SEMA3A: variants seen among roughly 807,000 people sequenced by gnomAD.
SEMA3A encodes the protein semaphorin-3A.
A neutral mutation model predicts 97.9 loss-of-function variants in SEMA3A; 29 were observed. The observed-to-expected ratio is 0.30, with a 90% confidence interval of 0.22 to 0.40. The LOEUF is 0.40. Among genes scored for constraint, SEMA3A ranks in the 10% least tolerant of loss-of-function variants. The pLI, the probability that SEMA3A is intolerant of heterozygous loss-of-function variation, is 1.00. For missense variants in SEMA3A, 763 were observed against 951.3 expected (o/e 0.80, Z 2.60); for synonymous variants, 321 against 323.7 (o/e 0.99, Z 0.09).
chr7:84,340,014 C>A (rs1802124536), intron 2 of SEMA3A, among the ~76,000 whole-genome samples: 1 of 151,962 alleles, frequency 6.6e-6, no homozygotes, highest in South Asian at 2.1e-4. Context: ...TAAAAAACAT[C>A]ACTTTAGAAA....
intron 1 of SEMA3A, among the ~76,000 whole-genome samples, chr7:84,171,199 T>C (rs543019619): frequency 6.6e-6 from 1 of 152,262 alleles, no homozygotes; most frequent in African/African-American, 2.4e-5. Context: ...AGCAACATAA[T>C]ATTTTAAACA....
chr7:83,980,406 A>G (rs995854203), intron 14 of SEMA3A, among the ~76,000 whole-genome samples: 1 of 151,606 alleles, frequency 6.6e-6, no homozygotes, highest in Admixed American at 6.6e-5. Context: ...GGAGATCGAG[A>G]CCATCCTGGC....
chr7:84,049,162 G>C (rs979206743), intron 5 of SEMA3A, among the ~76,000 whole-genome samples: 1 of 152,084 alleles, frequency 6.6e-6, no homozygotes, highest in Non-Finnish European at 1.5e-5. Flanking sequence ...TAAGTATGCA[G>C]TTTAGGCACC....
chr7:84,063,806 A>G (rs1410360368), intron 4 of SEMA3A, among the ~76,000 whole-genome samples: 4 of 149,628 alleles, frequency 2.7e-5, no homozygotes, highest in Non-Finnish European at 5.9e-5. Context: ...GTGTACCTGA[A>G]AGTGATGGGG....
rs375624989 is a variant in SEMA3A, at chr7:84,434,909, CA to C, written c.-246+57550del. On this transcript the variant is annotated intron_variant, in intron 1 of 3. Transcript: ENST00000424555. ...ATTAATGCATAGCCAACATCATGAA[CA>C]GGCAAAAACTGGAAACATTCCCCTT... is the stretch of plus-strand genomic sequence containing the variant. Among the ~76,000 whole-genome samples, 180 of 152,162 alleles carry C rather than the reference CA, an allele frequency of 1.2e-3. 2 individuals are homozygous for C. Among genetic ancestry groups the C allele is most frequent in the African/African-American group, 4.2e-3 (175 of 41,524 alleles).
chr7:84,086,529 AT>A (rs1177427243), intron 4 of SEMA3A, among the ~76,000 whole-genome samples: 10 of 75,586 alleles, frequency 1.3e-4, no homozygotes, highest in East Asian at 8.9e-4. Context: ...TATATAATAT[AT>A]TATTATATTA....
chr7:84,052,789 T>C (rs1792743571), intron 5 of SEMA3A, among the ~76,000 whole-genome samples: 1 of 149,932 alleles, frequency 6.7e-6, no homozygotes, highest in African/African-American at 2.4e-5. Context: ...TTTCTAGTTC[T>C]TTTAGTTGTG....
chr7:84,020,552 A>G (rs1791291446), intron 6 of SEMA3A, among the ~76,000 whole-genome samples: 1 of 151,884 alleles, frequency 6.6e-6, no homozygotes, highest in Non-Finnish European at 1.5e-5. Context: ...ATCTTAAGTA[A>G]TTTCTTAAGT....
intron 2 of SEMA3A, among the ~76,000 whole-genome samples, chr7:84,343,990 T>G: frequency 6.6e-6 from 1 of 151,486 alleles, no homozygotes; most frequent in East Asian, 1.9e-4. Flanking sequence ...TCTGGGCAAC[T>G]GAGTGACACT....
At chr7:84,021,189 C>T (rs57531433) in intron 6 of SEMA3A, among the ~76,000 whole-genome samples, 38,796 of 152,090 alleles carry the variant, frequency 0.26, 5,810 homozygotes, top group East Asian at 0.43. Context: ...GAACTGACCA[C>T]AGACTCTCAT....
chr7:84,363,413 A>G (rs1434154392), intron 2 of SEMA3A, among the ~76,000 whole-genome samples: 1 of 151,930 alleles, frequency 6.6e-6, no homozygotes, highest in East Asian at 1.9e-4. Flanking sequence ...CTTAAAGGCA[A>G]GTGCTGATTA....
chr7:84,357,032 T>C (rs1802577176), intron 2 of SEMA3A, among the ~76,000 whole-genome samples: 1 of 151,802 alleles, frequency 6.6e-6, no homozygotes, highest in Admixed American at 6.6e-5. Context: ...ATTGATTAAG[T>C]CCATCTGAGC....
At chr7:84,265,162 T>C (rs1799959326) in intron 3 of SEMA3A, among the ~76,000 whole-genome samples, 1 of 152,166 alleles carries the variant, frequency 6.6e-6, no homozygotes, top group African/African-American at 2.4e-5. Context: ...ATGGCAAAGC[T>C]GAGTATATTA....
At chr7:84,484,545 TCA>T (rs10573589) in intron 1 of SEMA3A, among the ~76,000 whole-genome samples, 59,976 of 149,088 alleles carry the variant, frequency 0.4, 12,437 homozygotes, top group East Asian at 0.62. Context: ...TTGTTCACTT[TCA>T]CACACACACA....
At chr7:84,137,875 C>A (rs926089042) in intron 1 of SEMA3A, among the ~76,000 whole-genome samples, 1 of 152,054 alleles carries the variant, frequency 6.6e-6, no homozygotes, top group African/African-American at 2.4e-5. Flanking sequence ...ACTATAGCTA[C>A]AGATTTTGGA....
At chr7:84,237,075 A>C (rs902801542) in intron 3 of SEMA3A, among the ~76,000 whole-genome samples, 1 of 152,158 alleles carries the variant, frequency 6.6e-6, no homozygotes, top group Non-Finnish European at 1.5e-5. Flanking sequence ...AAATCGGGAA[A>C]AGCAATGCCC....
chr7:84,329,005 C>CGTCT (rs1801842583), intron 2 of SEMA3A, among the ~76,000 whole-genome samples: 1 of 151,752 alleles, frequency 6.6e-6, no homozygotes, highest in Non-Finnish European at 1.5e-5. Context: ...TTCTGGGAGA[C>CGTCT]ATGTGCAGAA....
intron 3 of SEMA3A, among the ~76,000 whole-genome samples, chr7:84,291,311 AAATT>A (rs1392531330): frequency 2.6e-5 from 4 of 152,120 alleles, no homozygotes; most frequent in Non-Finnish European, 5.9e-5. Flanking sequence ...TTTGCATTTC[AAATT>A]ATTTATCTGT....
At chr7:83,989,601 AATG>A (rs1270814639) in intron 12 of SEMA3A, among the ~76,000 whole-genome samples, 4 of 130,690 alleles carry the variant, frequency 3.1e-5, no homozygotes, top group Non-Finnish European at 6.4e-5. Context: ...GTTTACTGAG[AATG>A]ATGATTTCCA....
Sources: allele counts gnomAD v4.1 joint callset (sites outside exome capture counted in the v4.1 genomes callset), GRCh38; gene constraint gnomAD v4.1.1; transcripts MANE v1.5; gene names NCBI Gene and HGNC (gene_info 2026-07-23, HGNC 2026-07-21).